GFRA3: variants seen among roughly 807,000 people sequenced by gnomAD.
GFRA3 encodes the protein GDNF family receptor alpha-3.
GFRA3 carries 24 observed loss-of-function variants against 40.0 expected under a neutral mutation model. That is an observed-to-expected ratio of 0.60 (90% CI 0.43 to 0.84). The LOEUF (loss-of-function observed/expected upper bound fraction) is 0.84, where lower values mean the gene tolerates loss of function less well. GFRA3 is among the 40% of genes least tolerant of loss of function. GFRA3 has a pLI of 0.00. For missense variants in GFRA3, 405 were observed against 530.6 expected, an observed-to-expected ratio of 0.76 and a Z score of 2.33; for synonymous variants, 203 against 213.5, an observed-to-expected ratio of 0.95 and a Z score of 0.43.
intron 3 of GFRA3, among the ~76,000 whole-genome samples, chr5:138,258,649 G>A (rs986656398): frequency 6.6e-6 from 1 of 152,138 alleles, no homozygotes; most frequent in African/African-American, 2.4e-5. Context: ...ATAACCTAGA[G>A]TACCTGCAAC....
chr5:138,253,330 G>C lies in GFRA3; in HGVS notation c.1070C>G (p.Ser357Cys), dbSNP rs1437685810. ...AAAGGTAGGGTGTGGCCAGTCCTGGGAGAAGAGTTGGCTGTGAAAACGCAT... is the reference window on the plus strand; with the variant it reads ...AAAGGTAGGGTGTGGCCAGTCCTGGCAGAAGAGTTGGCTGTGAAAACGCAT... Reference protein sequence around the residue: ...AKMRFHSQLFSQDWPHPTFAV... With the variant: ...AKMRFHSQLFCQDWPHPTFAV... Residue 357 changes from serine to cysteine, a missense_variant, in exon 7 of 8, where the codon TCC becomes TGC. Ser to Cys is a moderately radical substitution (Grantham distance 112). Coordinates refer to ENST00000274721, the MANE Select transcript of GFRA3 (RefSeq NM_001496.4). The C allele has an allele frequency of 6.2e-7, 1 of 1,605,062 alleles. No individual in the cohort carries two copies. Among genetic ancestry groups the C allele is most frequent in the Non-Finnish European group, 8.5e-7 (1 of 1,175,712 alleles).
At chr5:138,259,362 T>C (rs1207021401) in intron 3 of GFRA3, among the ~76,000 whole-genome samples, 195 bp downstream of exon 3, 1 of 152,206 alleles carries the variant, frequency 6.6e-6, no homozygotes, top group Non-Finnish European at 1.5e-5. Context: ...TAATAACTGC[T>C]GTCCTTTGGA....
chr5:138,262,514 G>A (rs1433721592), intron 2 of GFRA3, among the ~76,000 whole-genome samples: 1 of 152,126 alleles, frequency 6.6e-6, no homozygotes, highest in Non-Finnish European at 1.5e-5. Flanking sequence ...GTGCAGTGGT[G>A]TGATCATGGC....
chr5:138,270,251 C>G lies in GFRA3; in HGVS notation c.91+4083G>C, dbSNP rs570214320. 2.0e-5 allele frequency among the ~76,000 whole-genome samples: 3 copies of G among 149,718 alleles called. 1 individual carries two copies. In the South Asian group the frequency reaches 6.4e-4, roughly 32 times the overall value. Reference sequence around the variant, plus strand: ...AGTTAGCCAGGTGTGCTGGCAGGCACCTGTACAGCTACTCGGAGGCTGAGG... The same window carrying G: ...AGTTAGCCAGGTGTGCTGGCAGGCAGCTGTACAGCTACTCGGAGGCTGAGG... On this transcript the variant is annotated intron_variant, in intron 1 of 7. Coordinates refer to ENST00000274721, the MANE Select transcript of GFRA3 (RefSeq NM_001496.4).
At position 138,274,398 on chromosome 5, in the gene GFRA3, CGG is replaced by C; in HGVS notation, c.25_26del (p.Pro9AlafsTer45). Reference protein sequence around the residue: MVRPLNPRPLPPVVLMLLL... With the variant: MVRPLNPRXLPPVVLMLLL... ...GCAACATCAGGACTACGGGCGGCAGCGGTCGCGGGTTCAGGGGGCGCACCATG... is the reference window on the plus strand; with the variant it reads ...GCAACATCAGGACTACGGGCGGCAGCTCGCGGGTTCAGGGGGCGCACCATG... On this transcript the variant is annotated frameshift_variant, in exon 1 of 8. Transcript: ENST00000274721. LOFTEE classifies it high-confidence loss of function. The C allele has an allele frequency of 7.6e-7, 1 of 1,313,296 alleles. No individual in the cohort carries two copies. The highest frequency in any genetic ancestry group is 2.4e-5 in the South Asian group (1 of 42,206). 81.4% of individuals were successfully genotyped at this position (1,313,296 alleles called of 1,614,324 possible). A position where few individuals can be genotyped will look rare whatever the true frequency, so the allele number is the denominator to read the frequency against.
chr5:138,273,467 A>C (rs1455171632), intron 1 of GFRA3, among the ~76,000 whole-genome samples: 1 of 152,218 alleles, frequency 6.6e-6, no homozygotes, highest in Non-Finnish European at 1.5e-5. Context: ...CAGACTGGTG[A>C]TGTCTTGCTG....
At chr5:138,270,166 C>T (rs1303456567) in intron 1 of GFRA3, among the ~76,000 whole-genome samples, 6 of 147,084 alleles carry the variant, frequency 4.1e-5, no homozygotes, top group African/African-American at 1.5e-4. Context: ...TCAAGACCAT[C>T]CTGGCTAAAA....
intron 1 of GFRA3, among the ~76,000 whole-genome samples, chr5:138,265,202 A>G (rs1159860150): frequency 4.4e-5 from 6 of 135,444 alleles, no homozygotes; most frequent in African/African-American, 1.3e-4. Flanking sequence ...AAAATCTAGG[A>G]GAACTTTTTT....
intron 4 of GFRA3, among the ~76,000 whole-genome samples, chr5:138,256,241 A>AC (rs1442054001): frequency 3.6e-5 from 5 of 137,618 alleles, no homozygotes; most frequent in African/African-American, 1.4e-4. Context: ...AAAAAAAAAA[A>AC]AAAATCGCTG....
intron 2 of GFRA3, among the ~76,000 whole-genome samples, chr5:138,262,577 C>A (rs1291275042): frequency 6.6e-6 from 1 of 152,110 alleles, no homozygotes; most frequent in Non-Finnish European, 1.5e-5. Context: ...CTCAGCCTCC[C>A]GAGTAGCTGG....
chr5:138,269,218 G>A (rs2126620288), intron 1 of GFRA3, among the ~76,000 whole-genome samples: 1 of 152,220 alleles, frequency 6.6e-6, no homozygotes, highest in East Asian at 1.9e-4. Flanking sequence ...AGCCACTGAG[G>A]AAAACAGTCT....
Position 138,252,772 on chromosome 5 carries a change from A to G in GFRA3, c.*196T>C. 1 of 485,734 alleles carries G rather than the reference A, an allele frequency of 2.1e-6. No individual in the cohort carries two copies. The highest frequency in any genetic ancestry group is 3.2e-5 in the South Asian group (1 of 30,854). The allele number at this position is 485,734 out of a possible 1,614,324, so 30.1% of individuals were successfully genotyped here. A position where few individuals can be genotyped will look rare whatever the true frequency, so the allele number is the denominator to read the frequency against. ...ATTGTGGCCACCAAGGAGGGGCAGC[A>G]TGAATCAGAAGTGGAGATGGGGTGG... On this transcript the variant is annotated 3_prime_UTR_variant, in exon 8 of 8. Transcript: ENST00000274721.
chr5:138,268,141 T>C (rs1327178592), intron 1 of GFRA3, among the ~76,000 whole-genome samples: 1 of 151,522 alleles, frequency 6.6e-6, no homozygotes, highest in East Asian at 1.9e-4. Flanking sequence ...AAAAATTAGC[T>C]GGGTGTGATG....
At chr5:138,261,693 C>CAAAAAAAAAAAA (rs70979598) in intron 2 of GFRA3, among the ~76,000 whole-genome samples, 3 of 46,340 alleles carry the variant, frequency 6.5e-5, no homozygotes, top group East Asian at 7.6e-4. Flanking sequence ...GACTCTGTCT[C>CAAAAAAAAAAAA]AAAAAAAAAA....
chr5:138,265,655 C>T (rs748574762), intron 1 of GFRA3, among the ~76,000 whole-genome samples: 5 of 151,930 alleles, frequency 3.3e-5, no homozygotes, highest in Non-Finnish European at 7.4e-5. Flanking sequence ...CTCCTTCTTC[C>T]CTCTTCTTTC....
Position 138,274,458 on chromosome 5 carries a change from T to C in GFRA3, c.-34A>G. ...GTAGGCGCCGGGCTCCGCGCTCCCC[T>C]CGCTCCTCCCCTGGAGCTCTGAGAG... On this transcript the variant is annotated 5_prime_UTR_variant, in exon 1 of 8. Coordinates refer to ENST00000274721, the MANE Select transcript of GFRA3 (RefSeq NM_001496.4). The C allele has an allele frequency of 7.8e-7, 1 of 1,283,736 alleles. No homozygotes were observed. Among genetic ancestry groups the C allele is most frequent in the Admixed American group, 4.0e-5 (1 of 25,106 alleles). 79.5% of individuals were successfully genotyped at this position (1,283,736 alleles called of 1,614,324 possible). A position where few individuals can be genotyped will look rare whatever the true frequency, so the allele number is the denominator to read the frequency against.
At chr5:138,261,435 C>T (rs940169376) in intron 2 of GFRA3, among the ~76,000 whole-genome samples, 5 of 152,114 alleles carry the variant, frequency 3.3e-5, no homozygotes, top group East Asian at 1.9e-4. Flanking sequence ...GTGGCTCATG[C>T]CTGTAATCCC....
At chr5:138,270,205 CAAAAAAAAA>C (rs34014240) in intron 1 of GFRA3, among the ~76,000 whole-genome samples, 1 of 72,474 alleles carries the variant, frequency 1.4e-5, no homozygotes, top group African/African-American at 6.4e-5. Context: ...ACTAAAAATA[CAAAAAAAAA>C]AAAAAAAAAA....
intron 6 of GFRA3, 147 bp from the exon 7 acceptor site, chr5:138,253,522 G>T: frequency 1.4e-6 from 1 of 694,658 alleles, no homozygotes; most frequent in Non-Finnish European, 2.6e-6. Flanking sequence ...CTCTCATTCT[G>T]CTTGTTTCTT....
Sources: allele counts gnomAD v4.1 joint callset (sites outside exome capture counted in the v4.1 genomes callset), GRCh38; gene constraint gnomAD v4.1.1; transcripts MANE v1.5; gene names NCBI Gene and HGNC (gene_info 2026-07-23, HGNC 2026-07-21).